CUX2: variants seen among roughly 807,000 people sequenced by gnomAD.
The protein encoded by CUX2 is homeobox protein cut-like 2.
In CUX2, 40 loss-of-function variants were observed where a neutral mutation model predicts 144.8. That is an observed-to-expected ratio of 0.28 (90% CI 0.21 to 0.36). The LOEUF (loss-of-function observed/expected upper bound fraction) is 0.36, where lower values mean the gene tolerates loss of function less well. CUX2 is among the 10% of genes least tolerant of loss of function. The pLI, the probability that CUX2 is intolerant of heterozygous loss-of-function variation, is 1.00. For missense variants in CUX2, 1,615 were observed against 1,994.0 expected (o/e 0.81, Z 3.62); for synonymous variants, 827 against 875.6 (o/e 0.94, Z 0.98).
intron 8 of CUX2, 40 bp downstream of exon 8, chr12:111,296,579 G>A (rs367691038): frequency 1.3e-6 from 2 of 1,575,232 alleles, no homozygotes; most frequent in African/African-American, 1.4e-5. Context: ...TCCCTTGGAG[G>A]CCTCCCAGAC....
chr12:111,236,415 T>A (rs1362212298), intron 3 of CUX2, among the ~76,000 whole-genome samples: 1 of 152,164 alleles, frequency 6.6e-6, no homozygotes, highest in Non-Finnish European at 1.5e-5. Flanking sequence ...GGGGTTATTA[T>A]TATGCCTGTT....
intron 1 of CUX2, among the ~76,000 whole-genome samples, chr12:111,105,864 C>CTTT (rs1198818010): frequency 2.3e-5 from 3 of 132,370 alleles, no homozygotes; most frequent in South Asian, 2.4e-4. Flanking sequence ...AATAATGAGT[C>CTTT]TTTTTTTTTT....
intron 2 of CUX2, among the ~76,000 whole-genome samples, chr12:111,215,420 A>G (rs1357295772): frequency 2.6e-5 from 4 of 152,210 alleles, no homozygotes; most frequent in African/African-American, 9.6e-5. Flanking sequence ...CACAAGTCAT[A>G]AATGTCTTTG....
At chr12:111,157,767 G>T (rs1294129038) in intron 1 of CUX2, among the ~76,000 whole-genome samples, 1 of 152,206 alleles carries the variant, frequency 6.6e-6, no homozygotes, top group African/African-American at 2.4e-5. Context: ...TCATTCTTAG[G>T]TTGATGAGAG....
chr12:111,214,838 G>C (rs1171783873), intron 2 of CUX2, among the ~76,000 whole-genome samples: 1 of 152,036 alleles, frequency 6.6e-6, no homozygotes, highest in Non-Finnish European at 1.5e-5. Context: ...GGAGCTTGGT[G>C]GGGGACAGAG....
Position 111,295,493 on chromosome 12 carries a change from G to A in CUX2, c.637+84G>A, listed in dbSNP as rs887357137. On this transcript the variant is annotated intron_variant, in intron 7 of 21. Transcript: ENST00000261726. This position sits in a 1 kb window ranked among gnomAD's most constrained non-coding sequence, Gnocchi z 5.0. Reference sequence around the variant, plus strand: ...AACGAGGGGTCACGGCTTGGGGTCTGCCACATCCAGGTGTTTTAGAATCAA... The same window carrying A: ...AACGAGGGGTCACGGCTTGGGGTCTACCACATCCAGGTGTTTTAGAATCAA... 28 of 1,185,790 alleles carry A rather than the reference G, an allele frequency of 2.4e-5. No homozygotes were observed. The highest frequency in any genetic ancestry group is 3.1e-5 in the Non-Finnish European group (26 of 840,052). 73.5% of individuals were successfully genotyped at this position (1,185,790 alleles called of 1,614,324 possible).
At chr12:111,216,750 G>C (rs1305638890) in intron 2 of CUX2, among the ~76,000 whole-genome samples, 2 of 151,556 alleles carry the variant, frequency 1.3e-5, no homozygotes, top group Non-Finnish European at 2.9e-5. Context: ...TACTAGGACT[G>C]TGTCTCCCCT....
chr12:111,168,567 C>T (rs369953275), intron 1 of CUX2, among the ~76,000 whole-genome samples: 44 of 152,324 alleles, frequency 2.9e-4, no homozygotes, highest in African/African-American at 8.4e-4. Context: ...ATTGTTTCCA[C>T]GTTCCCTAGC....
intron 3 of CUX2, among the ~76,000 whole-genome samples, chr12:111,261,268 A>G (rs936831344): frequency 6.6e-6 from 1 of 152,212 alleles, no homozygotes; most frequent in Non-Finnish European, 1.5e-5. Context: ...GGCAGCAGCC[A>G]TTCGGTGATT....
chr12:111,156,336 C>T (rs752629653), intron 1 of CUX2, among the ~76,000 whole-genome samples: 3 of 152,136 alleles, frequency 2.0e-5, no homozygotes, highest in Non-Finnish European at 4.4e-5. Flanking sequence ...CCCAGGAAAC[C>T]AGTTAGCAGG....
At position 111,348,355 on chromosome 12, in the gene CUX2, C is replaced by A; in HGVS notation, c.*30C>A. 6.4e-7 allele frequency: 1 copy of A among 1,572,272 alleles called. No individual in the cohort carries two copies. Among genetic ancestry groups the A allele is most frequent in the South Asian group, 1.2e-5 (1 of 86,716 alleles). ...AGGGTGAGGGGGCAAGGGACATACC[C>A]TGGTAACTACCTTCCTTCTCGCACT... On this transcript the variant is annotated 3_prime_UTR_variant, in exon 22 of 22. Transcript: ENST00000261726.
At chr12:111,299,370 G>C (rs77192676) in intron 9 of CUX2, among the ~76,000 whole-genome samples, 9 of 152,356 alleles carry the variant, frequency 5.9e-5, no homozygotes, top group South Asian at 2.1e-4. Context: ...CAGGTAGAAG[G>C]CTCAGCAGGA....
At chr12:111,132,323 C>A (rs1488424094) in intron 1 of CUX2, among the ~76,000 whole-genome samples, 1 of 152,126 alleles carries the variant, frequency 6.6e-6, no homozygotes, top group Non-Finnish European at 1.5e-5. Flanking sequence ...TGGACCCAGC[C>A]CATGAAATCA....
chr12:111,169,101 C>T (rs1878344894), intron 1 of CUX2, among the ~76,000 whole-genome samples: 1 of 152,122 alleles, frequency 6.6e-6, no homozygotes, highest in Non-Finnish European at 1.5e-5. Flanking sequence ...AAGATGAGGC[C>T]ATACTAGAGT....
intron 9 of CUX2, among the ~76,000 whole-genome samples, chr12:111,300,890 T>C (rs1886257850): frequency 6.6e-6 from 1 of 152,044 alleles, no homozygotes; most frequent in African/African-American, 2.4e-5. Flanking sequence ...ATTTAAAAAC[T>C]ATCCAGGCAT....
chr12:111,226,100 C>T (rs890667845), intron 3 of CUX2, among the ~76,000 whole-genome samples: 1 of 152,224 alleles, frequency 6.6e-6, no homozygotes, highest in Non-Finnish European at 1.5e-5. Context: ...TGCGCCACCA[C>T]ACCCAGCTAA....
In CUX2 at chr12:111,186,877, C is replaced by T. The variant is rs981854830; in HGVS notation, c.64-27323C>T. Reference sequence around the variant, plus strand: ...CATTGCAACCTCCACCTCCTGGGTTCGAGTGATTCTCCTGCCTCAGCCTCC... The same window carrying T: ...CATTGCAACCTCCACCTCCTGGGTTTGAGTGATTCTCCTGCCTCAGCCTCC... On this transcript the variant is annotated intron_variant, in intron 1 of 21. Coordinates refer to ENST00000261726, the MANE Select transcript of CUX2 (RefSeq NM_015267.4). The surrounding 1 kb of genome is among the most constrained non-coding windows in gnomAD (Gnocchi z 4.4). Among the ~76,000 whole-genome samples the T allele has an allele frequency of 4.0e-5, 6 of 151,436 alleles. No individual in the cohort carries two copies. Among genetic ancestry groups the T allele is most frequent in the Admixed American group, 1.3e-4 (2 of 15,214 alleles).
At chr12:111,143,578 A>G (rs1876472765) in intron 1 of CUX2, among the ~76,000 whole-genome samples, 1 of 152,254 alleles carries the variant, frequency 6.6e-6, no homozygotes, top group Admixed American at 6.5e-5. Context: ...ACCCACTAGT[A>G]TAAACATTGT....
chr12:111,309,945 C>T, intron 14 of CUX2, 96 bp from the exon 15 acceptor site: 1 of 1,102,332 alleles, frequency 9.1e-7, no homozygotes, highest in Non-Finnish European at 1.2e-6. Context: ...CTCTCTCTGT[C>T]TCTCTCCCCC....
Sources: gnomAD v4.1 joint callset for allele counts (sites outside exome capture counted in the v4.1 genomes callset) on GRCh38, gnomAD v4.1.1 for gene constraint, Gnocchi (gnomAD v3.1) non-coding constraint, MANE v1.5 for transcripts, NCBI Gene and HGNC (gene_info 2026-07-23, HGNC 2026-07-21) for gene names.